POLE2: variants seen among roughly 807,000 people sequenced by gnomAD.
POLE2 encodes the protein DNA polymerase epsilon 2, accessory subunit, also known as DNA polymerase epsilon subunit 2.
Under a neutral mutation model 79.4 loss-of-function variants are expected in POLE2, and 56 were observed. The ratio of observed to expected loss-of-function variants is 0.71; its 90% CI spans 0.57 to 0.88. The LOEUF (loss-of-function observed/expected upper bound fraction) is 0.88. Ranked by LOEUF, POLE2 falls within the 40% of genes least tolerant of loss-of-function variation. POLE2 has a pLI of 0.00. For missense variants in POLE2, 598 were observed against 638.9 expected, an observed-to-expected ratio of 0.94 and a Z score of 0.69; for synonymous variants, 212 against 214.0, an observed-to-expected ratio of 0.99 and a Z score of 0.08.
chr14:49,663,038 C>G (rs1885198688), intron 10 of POLE2, among the ~76,000 whole-genome samples: 2 of 152,194 alleles, frequency 1.3e-5, no homozygotes, highest in Admixed American at 6.5e-5. Context: ...TCTTATCTCA[C>G]TTCAACTTCT....
At chr14:49,649,050 A>T (rs1187909967) in intron 17 of POLE2, among the ~76,000 whole-genome samples, 1 of 152,060 alleles carries the variant, frequency 6.6e-6, no homozygotes, top group Non-Finnish European at 1.5e-5. Context: ...TAGTGGAGAT[A>T]ATATTTTGTT....
At chr14:49,686,885 C>T (rs1594628985) in intron 1 of POLE2, among the ~76,000 whole-genome samples, 1 of 152,144 alleles carries the variant, frequency 6.6e-6, no homozygotes, top group Admixed American at 6.5e-5. Context: ...AGTTAAAAGT[C>T]CCATAAAACT....
At chr14:49,652,118 CCTTATGCTTTA>C in intron 15 of POLE2, among the ~76,000 whole-genome samples, 1 of 151,914 alleles carries the variant, frequency 6.6e-6, no homozygotes, top group Non-Finnish European at 1.5e-5. Context: ...ATGGGATATG[CCTTATGCTTTA>C]CAGGATCACT....
At chr14:49,662,223 C>T (rs1000471778) in intron 10 of POLE2, among the ~76,000 whole-genome samples, 6 of 152,184 alleles carry the variant, frequency 3.9e-5, no homozygotes, top group African/African-American at 1.4e-4. Context: ...TCTGCACAGG[C>T]CGCCCTGCCA....
Position 49,655,051 on chromosome 14 carries a change from A to G in POLE2, c.972T>C (p.Asn324=). Residue 324 remains asparagine (N), a synonymous_variant, in exon 12 of 19, where the codon AAT becomes AAC. Transcript: ENST00000216367. ...APPTCFILCG[N]FSSAPYGKNQ... is the part of the protein sequence containing the mutation. Reference sequence around the variant, plus strand: ...TTTTTCCATATGGTGCAGATGAAAAATTACCACACAGAATAAAGCAGGTTG... The same window carrying G: ...TTTTTCCATATGGTGCAGATGAAAAGTTACCACACAGAATAAAGCAGGTTG... 6.3e-7 allele frequency: 1 copy of G among 1,579,282 alleles called. No homozygotes were observed. The highest frequency in any genetic ancestry group is 8.6e-7 in the Non-Finnish European group (1 of 1,161,554).
At chr14:49,644,018 T>C (rs1434643655) in intron 18 of POLE2, among the ~76,000 whole-genome samples, 3 of 150,804 alleles carry the variant, frequency 2.0e-5, no homozygotes, top group African/African-American at 7.3e-5. Flanking sequence ...TAGCTGAGAT[T>C]ATAGGCACTT....
intron 18 of POLE2, among the ~76,000 whole-genome samples, chr14:49,644,652 CTTT>C (rs1883631250): frequency 6.6e-6 from 1 of 151,950 alleles, no homozygotes; most frequent in Non-Finnish European, 1.5e-5. Context: ...ATATTTACTT[CTTT>C]GAGGCTTAGA....
intron 3 of POLE2, among the ~76,000 whole-genome samples, chr14:49,675,251 A>C (rs1886190270): frequency 6.6e-6 from 1 of 150,526 alleles, no homozygotes; most frequent in Non-Finnish European, 1.5e-5. Context: ...CGCCCAGCTA[A>C]TTTTGTATTT....
At chr14:49,668,028 T>C (rs1278048928) in intron 6 of POLE2, among the ~76,000 whole-genome samples, 1 of 152,162 alleles carries the variant, frequency 6.6e-6, no homozygotes, top group Non-Finnish European at 1.5e-5. Context: ...TCCCAGCACT[T>C]TGGGAGGCTG....
intron 10 of POLE2, among the ~76,000 whole-genome samples, chr14:49,660,945 A>T (rs1319040999): frequency 1.3e-5 from 2 of 152,032 alleles, no homozygotes; most frequent in African/African-American, 4.8e-5. Flanking sequence ...TTTGGGGGGT[A>T]GGGGGACAAA....
intron 1 of POLE2, among the ~76,000 whole-genome samples, chr14:49,684,290 CCGTCTCT>C (rs1566575284): frequency 6.6e-6 from 1 of 151,640 alleles, no homozygotes; most frequent in Non-Finnish European, 1.5e-5. Context: ...CGATGAAACC[CCGTCTCT>C]ACTAAAAACA....
intron 2 of POLE2, among the ~76,000 whole-genome samples, chr14:49,681,124 A>G (rs1261437920): frequency 6.6e-6 from 1 of 152,212 alleles, no homozygotes; most frequent in Non-Finnish European, 1.5e-5. Context: ...GCTAAGATAA[A>G]GTGGACAGTG....
chr14:49,687,788 C>G (rs1594631170), intron 1 of POLE2, among the ~76,000 whole-genome samples: 1 of 152,012 alleles, frequency 6.6e-6, no homozygotes, highest in African/African-American at 2.4e-5. Context: ...CAACCTCCTC[C>G]TCCCGGGTTC....
intron 10 of POLE2, among the ~76,000 whole-genome samples, chr14:49,658,366 G>A (rs142903740): frequency 6.6e-5 from 10 of 152,138 alleles, no homozygotes; most frequent in East Asian, 3.9e-4. Flanking sequence ...CTGAGCCACC[G>A]CGCCCGGCCC....
At chr14:49,686,306 G>T (rs1887132439) in intron 1 of POLE2, among the ~76,000 whole-genome samples, 1 of 152,176 alleles carries the variant, frequency 6.6e-6, no homozygotes, top group Non-Finnish European at 1.5e-5. Context: ...TCACCTCCTT[G>T]ATTAGGTTGC....
chr14:49,654,944 T>A (rs1356757957), intron 12 of POLE2, 61 bp downstream of exon 12: 1 of 1,363,106 alleles, frequency 7.3e-7, no homozygotes, highest in African/African-American at 1.5e-5. Context: ...TATGGATAAT[T>A]TCTTATTACT....
At chr14:49,651,054 A>T (rs1884184780) in intron 16 of POLE2, among the ~76,000 whole-genome samples, 1 of 141,560 alleles carries the variant, frequency 7.1e-6, no homozygotes, top group African/African-American at 2.9e-5. Flanking sequence ...GCTTATTCTC[A>T]GCTTTTCTCT....
intron 10 of POLE2, among the ~76,000 whole-genome samples, chr14:49,662,052 G>T (rs1885135298): frequency 6.6e-6 from 1 of 152,142 alleles, no homozygotes; most frequent in Non-Finnish European, 1.5e-5. Context: ...TGGCAATTTT[G>T]CTCTAAATAT....
chr14:49,675,121 G>C (rs1434587111), intron 3 of POLE2, among the ~76,000 whole-genome samples: 3 of 146,814 alleles, frequency 2.0e-5, no homozygotes, highest in African/African-American at 7.6e-5. Flanking sequence ...TTTCACTCTT[G>C]TTGCCCAGGC....
Sources: gnomAD v4.1 joint callset for allele counts (sites outside exome capture counted in the v4.1 genomes callset) on GRCh38, gnomAD v4.1.1 for gene constraint, MANE v1.5 for transcripts, NCBI Gene and HGNC (gene_info 2026-07-23, HGNC 2026-07-21) for gene names.